The following LRRIQ1 variants were observed in gnomAD, a reference collection of about 807,000 sequenced individuals.
LRRIQ1 encodes leucine rich repeats and IQ motif containing 1.
Under a neutral mutation model 211.9 loss-of-function variants are expected in LRRIQ1, and 210 were observed. That is an observed-to-expected ratio of 0.99 (90% confidence interval 0.89 to 1.11). The LOEUF is 1.11. Ranked by LOEUF, LRRIQ1 falls within the 50% of genes most tolerant of loss-of-function variation. LRRIQ1 has a pLI of 0.00. For synonymous variants in LRRIQ1, 699 were observed against 650.1 expected (o/e 1.08, Z -1.14); for missense variants, 2,136 against 1,939.5 (o/e 1.10, Z -1.90).
At chr12:85,061,759 A>G (rs1224328032) in intron 8 of LRRIQ1, among the ~76,000 whole-genome samples, 2 of 151,686 alleles carry the variant, frequency 1.3e-5, no homozygotes, top group East Asian at 3.9e-4. Flanking sequence ...TTACAGATTA[A>G]CTAGGCAGTA....
intron 1 of LRRIQ1, among the ~76,000 whole-genome samples, chr12:85,255,113 A>T (rs1896052372): frequency 6.6e-6 from 1 of 151,904 alleles, no homozygotes. Context: ...TCCAGGTAAT[A>T]TATATTGCTG....
At chr12:85,212,685 G>A (rs914261950) in intron 24 of LRRIQ1, among the ~76,000 whole-genome samples, 1 of 150,376 alleles carries the variant, frequency 6.6e-6, no homozygotes, top group African/African-American at 2.4e-5. Context: ...TTTAGATTAC[G>A]TTAAATTCCA....
exon 2 of LRRIQ1, chr12:85,264,048 C>T (rs947527210): frequency 1.6e-4 from 25 of 151,948 alleles, no homozygotes; most frequent in African/African-American, 5.8e-4. Flanking sequence ...TAATAGCATC[C>T]AGTGAACTTT....
chr12:85,123,191 T>TG (rs1385149930), intron 16 of LRRIQ1, among the ~76,000 whole-genome samples: 2 of 152,162 alleles, frequency 1.3e-5, no homozygotes, highest in South Asian at 2.1e-4. Flanking sequence ...ATTACCTTTG[T>TG]GAACATAGGA....
intron 15 of LRRIQ1, among the ~76,000 whole-genome samples, chr12:85,116,484 A>T (rs1887590568): frequency 6.6e-6 from 1 of 152,000 alleles, no homozygotes; most frequent in Non-Finnish European, 1.5e-5. Flanking sequence ...GGCTATATTT[A>T]AAAAATAAAG....
chr12:85,184,161 C>A (rs904680114), intron 24 of LRRIQ1, among the ~76,000 whole-genome samples: 2 of 151,846 alleles, frequency 1.3e-5, no homozygotes, highest in African/African-American at 4.8e-5. Flanking sequence ...GAAGACAGTT[C>A]GACTGAAATT....
At chr12:85,067,458 G>GA (rs1429887232) in intron 10 of LRRIQ1, among the ~76,000 whole-genome samples, 3 of 151,872 alleles carry the variant, frequency 2.0e-5, no homozygotes, top group South Asian at 2.1e-4. Flanking sequence ...AGGTAGCAAT[G>GA]AAAATCTCTT....
chr12:85,060,765 G>A (rs1264244289), intron 8 of LRRIQ1, among the ~76,000 whole-genome samples: 2 of 151,748 alleles, frequency 1.3e-5, no homozygotes, highest in Non-Finnish European at 2.9e-5. Flanking sequence ...AAATAAAATA[G>A]ACTTGTTGCT....
chr12:85,258,263 C>T (rs1410238214), intron 1 of LRRIQ1, among the ~76,000 whole-genome samples: 1 of 151,384 alleles, frequency 6.6e-6, no homozygotes, highest in Admixed American at 6.6e-5. Flanking sequence ...TCAAGAGTAC[C>T]AAACATAAGT....
intron 3 of LRRIQ1, among the ~76,000 whole-genome samples, chr12:85,042,070 G>C (rs1486019580): frequency 2.6e-5 from 4 of 151,704 alleles, no homozygotes; most frequent in Admixed American, 6.6e-5. Context: ...TTTTACTCAG[G>C]TTTAAACACT....
At chr12:85,271,705 A>C in the LRRIQ1 span, among the ~76,000 whole-genome samples, 2 of 152,072 alleles carry the variant, frequency 1.3e-5, no homozygotes, top group South Asian at 4.1e-4. Flanking sequence ...CATGCTGTAG[A>C]CTCAAAAATA....
intron 15 of LRRIQ1, among the ~76,000 whole-genome samples, chr12:85,117,241 C>T (rs1048584235): frequency 7.9e-5 from 12 of 152,162 alleles, no homozygotes; most frequent in African/African-American, 2.4e-4. Context: ...GCTTTGATGA[C>T]GTCTCCTCAT....
At position 85,244,360 on chromosome 12, in the gene LRRIQ1, A is replaced by T. The variant is rs181328468; in HGVS notation, c.5017-429A>T. On this transcript the variant is annotated intron_variant, in intron 26 of 26. Transcript: ENST00000393217. ...GCATAGGGTGAAAGGCATTTCAGAG[A>T]ATTTTATTGATAAGACTAATACATA... Among the ~76,000 whole-genome samples the T allele has an allele frequency of 1.0e-3, 153 of 151,668 alleles. 1 individual carries two copies. The Middle Eastern group carries it at 0.01, about 10-fold the overall frequency.
At chr12:85,176,692 T>G (rs1273725292) in intron 24 of LRRIQ1, among the ~76,000 whole-genome samples, 1 of 151,062 alleles carries the variant, frequency 6.6e-6, no homozygotes, top group African/African-American at 2.4e-5. Context: ...TGTATACATA[T>G]GTAACTAACC....
intron 8 of LRRIQ1, among the ~76,000 whole-genome samples, chr12:85,061,969 T>G (rs531114384): frequency 6.6e-6 from 1 of 151,942 alleles, no homozygotes; most frequent in South Asian, 2.1e-4. Flanking sequence ...ATTCCTTTCT[T>G]TATATCACCA....
chr12:85,131,228 A>T (rs550365348), intron 18 of LRRIQ1, among the ~76,000 whole-genome samples: 51 of 151,222 alleles, frequency 3.4e-4, no homozygotes, highest in South Asian at 6.3e-4. Flanking sequence ...AAAAAAAAAA[A>T]TTTCAATGGT....
intron 3 of LRRIQ1, among the ~76,000 whole-genome samples, chr12:85,044,104 A>G (rs1879241715): frequency 6.6e-6 from 1 of 152,062 alleles, no homozygotes; most frequent in Non-Finnish European, 1.5e-5. Flanking sequence ...ATCTGACAAA[A>G]TAGGTGTGAA....
intron 8 of LRRIQ1, among the ~76,000 whole-genome samples, chr12:85,062,608 G>T (rs1186420146): frequency 6.6e-6 from 1 of 150,952 alleles, no homozygotes; most frequent in African/African-American, 2.4e-5. Flanking sequence ...CTGTTGATGA[G>T]CATCTGGGTT....
chr12:85,218,436 C>A (rs982557898), intron 24 of LRRIQ1, among the ~76,000 whole-genome samples: 3 of 152,048 alleles, frequency 2.0e-5, no homozygotes, highest in Non-Finnish European at 2.9e-5. Context: ...CTAGTAAATC[C>A]TTACTATATG....
Sources: allele counts gnomAD v4.1 joint callset (sites outside exome capture counted in the v4.1 genomes callset), GRCh38; gene constraint gnomAD v4.1.1; transcripts MANE v1.5; gene names NCBI Gene and HGNC (gene_info 2026-07-23, HGNC 2026-07-21).